Variants in AGMO observed in about 807,000 individuals in gnomAD.
The protein encoded by AGMO is alkylglycerol monooxygenase, also known as glyceryl-ether monooxygenase.
In AGMO, 75 loss-of-function variants were observed where a neutral mutation model predicts 60.2. That is an observed-to-expected ratio of 1.25 (90% confidence interval 1.03 to 1.51). The LOEUF is 1.51. Among genes scored for constraint, AGMO ranks in the 40% most tolerant of loss-of-function variants. The pLI, the probability that AGMO is intolerant of heterozygous loss-of-function variation, is 0.00. For synonymous variants in AGMO, 261 were observed against 177.1 expected, an observed-to-expected ratio of 1.47 and a Z score of -3.76; for missense variants, 763 against 525.5, an observed-to-expected ratio of 1.45 and a Z score of -4.42.
intron 12 of AGMO, among the ~76,000 whole-genome samples, chr7:15,357,190 C>CGTGTGT (rs36124819): frequency 0.14 from 19,757 of 144,304 alleles, 1,337 homozygotes; most frequent in African/African-American, 0.17. Flanking sequence ...TATGAATATT[C>CGTGTGT]GTGTGTGTGT....
chr7:15,286,742 T>C (rs1784111086), intron 12 of AGMO, among the ~76,000 whole-genome samples: 1 of 151,988 alleles, frequency 6.6e-6, no homozygotes, highest in Non-Finnish European at 1.5e-5. Flanking sequence ...CAAAGGAAAA[T>C]AAGATATTAT....
At chr7:15,167,739 A>T in the AGMO span, among the ~76,000 whole-genome samples, 3 of 152,332 alleles carry the variant, frequency 2.0e-5, no homozygotes, top group Non-Finnish European at 2.9e-5. Flanking sequence ...GTGCTTTGGC[A>T]TCATCAACCT....
Position 15,344,423 on chromosome 7 carries a change from G to C in AGMO, c.1263+21091C>G, listed in dbSNP as rs115058921. Among the ~76,000 whole-genome samples, 503 of 152,236 alleles carry C rather than the reference G, an allele frequency of 3.3e-3. 2 individuals carry two copies. Among genetic ancestry groups the C allele is most frequent in the African/African-American group, 0.011 (462 of 41,530 alleles). Reference sequence around the variant, plus strand: ...AACTTAAAATCTGGATGCTAGGCCAGGTATTGTAGCTCACTCCTGTAATGC... The same window carrying C: ...AACTTAAAATCTGGATGCTAGGCCACGTATTGTAGCTCACTCCTGTAATGC... On this transcript the variant is annotated intron_variant, in intron 12 of 12. Transcript: ENST00000342526.
intron 12 of AGMO, among the ~76,000 whole-genome samples, chr7:15,227,521 AAG>A (rs1782124611): frequency 6.6e-6 from 1 of 151,912 alleles, no homozygotes; most frequent in South Asian, 2.1e-4. Flanking sequence ...AAAAAAAAAA[AAG>A]AAGCAACTTA....
intron 2 of AGMO, among the ~76,000 whole-genome samples, chr7:15,559,299 C>T (rs1194067616): frequency 2.6e-5 from 4 of 151,994 alleles, no homozygotes; most frequent in African/African-American, 9.7e-5. Flanking sequence ...GCAGGAAGGG[C>T]TGAGAGAAAA....
intron 6 of AGMO, among the ~76,000 whole-genome samples, chr7:15,392,144 A>G (rs1784168273): frequency 6.6e-6 from 1 of 151,508 alleles, no homozygotes; most frequent in South Asian, 2.1e-4. Context: ...ATCTCGGCTC[A>G]CTGCAAGCTC....
In AGMO at chr7:15,545,160, T is replaced by C. The variant is rs530778001; in HGVS notation, c.258-237A>G. Among the ~76,000 whole-genome samples the C allele has an allele frequency of 6.6e-5, 10 of 152,264 alleles. No homozygotes were observed. In the East Asian group the frequency reaches 1.7e-3, roughly 26 times the overall value. ...TCATGGATGCCAGCTGTTTGTGCTC[T>C]CAATTTCATGAAATTTAAAAGGCCA... On this transcript the variant is annotated intron_variant, in intron 2 of 12. Transcript: ENST00000342526.
At chr7:15,397,067 C>T (rs574583006) in intron 5 of AGMO, among the ~76,000 whole-genome samples, 3 of 152,220 alleles carry the variant, frequency 2.0e-5, no homozygotes, top group Non-Finnish European at 4.4e-5. Context: ...CCCAGAAGCC[C>T]AGTTGGCTTC....
rs760569161 is a variant in AGMO at position 15,387,433 on chromosome 7, T to G, written c.930A>C (p.Arg310Ser). ...CTGGAATTTCTTCACTGAGACCAAG[T>G]CTTGGTTTACCTGGACCCCATCCCG... ...KGPGWGPGKP[R>S]LGLSEEIPEV... is the part of the protein sequence containing the mutation. The change falls in exon 9 of 13, where the codon AGA becomes AGC. Residue 310 changes from arginine (R) to serine (S), a missense_variant. Coordinates refer to ENST00000342526, the MANE Select transcript of AGMO (RefSeq NM_001004320.2). The G allele has an allele frequency of 1.9e-6, 3 of 1,613,712 alleles. No individual in the cohort carries two copies. Among genetic ancestry groups the G allele is most frequent in the Non-Finnish European group, 2.5e-6 (3 of 1,179,934 alleles).
At chr7:15,374,354 G>A (rs1167191853) in intron 10 of AGMO, among the ~76,000 whole-genome samples, 1 of 151,858 alleles carries the variant, frequency 6.6e-6, no homozygotes, top group Non-Finnish European at 1.5e-5. Context: ...ATATATCAAA[G>A]GTGAAAATAT....
chr7:15,482,787 C>A (rs1782795257), intron 3 of AGMO, among the ~76,000 whole-genome samples: 1 of 152,068 alleles, frequency 6.6e-6, no homozygotes, highest in Non-Finnish European at 1.5e-5. Context: ...ATGGCATGGG[C>A]AATCTGAGTG....
chr7:15,387,295 G>A (rs1783955202), intron 9 of AGMO, 111 bp downstream of exon 9: 1 of 1,267,274 alleles, frequency 7.9e-7, no homozygotes, highest in Non-Finnish European at 1.1e-6. Context: ...CATCTGACTG[G>A]GGGAACATCT....
intron 12 of AGMO, among the ~76,000 whole-genome samples, chr7:15,351,776 A>G (rs1399854639): frequency 2.0e-5 from 3 of 152,242 alleles, no homozygotes; most frequent in Admixed American, 6.5e-5. Context: ...ATAACAAAGT[A>G]TACGGCTAGA....
rs137902649 is a variant in AGMO, at chr7:15,354,484, A to G, written c.1263+11030T>C. 9.5e-3 allele frequency among the ~76,000 whole-genome samples: 218 copies of G among 22,842 alleles called. 1 individual carries two copies. The highest frequency in any genetic ancestry group is 0.016 in the South Asian group (6 of 386). The allele number at this position is 22,842 out of a possible 152,430, so 15.0% of individuals were successfully genotyped here. A position where few individuals can be genotyped will look rare whatever the true frequency, so the allele number is the denominator to read the frequency against. On this transcript the variant is annotated intron_variant, in intron 12 of 12. Coordinates refer to ENST00000342526, the MANE Select transcript of AGMO (RefSeq NM_001004320.2). Reference sequence around the variant, plus strand: ...CACGTGTGTGTATACACACGTGTGTATATACACACGTGTATATATATATAT... The same window carrying G: ...CACGTGTGTGTATACACACGTGTGTGTATACACACGTGTATATATATATAT...
At chr7:15,298,094 A>G (rs183483306) in intron 12 of AGMO, among the ~76,000 whole-genome samples, 5 of 150,678 alleles carry the variant, frequency 3.3e-5, no homozygotes, top group Non-Finnish European at 3.0e-5. Flanking sequence ...ATAAACAAAC[A>G]TATTATGTTA....
intron 12 of AGMO, among the ~76,000 whole-genome samples, chr7:15,342,544 C>CA (rs1290227300): frequency 6.6e-6 from 1 of 151,960 alleles, no homozygotes; most frequent in East Asian, 1.9e-4. Context: ...GCTTTATATT[C>CA]AACCTCATCA....
chr7:15,350,098 C>A (rs778134486), intron 12 of AGMO, among the ~76,000 whole-genome samples: 6 of 152,142 alleles, frequency 3.9e-5, no homozygotes, highest in Non-Finnish European at 5.9e-5. Context: ...GCTTTCCTCA[C>A]AATGTTAATT....
At chr7:15,217,961 T>C (rs566950604) in intron 12 of AGMO, among the ~76,000 whole-genome samples, 4 of 152,070 alleles carry the variant, frequency 2.6e-5, no homozygotes, top group Non-Finnish European at 5.9e-5. Context: ...AAACTGTGTG[T>C]CCTGGGGGTT....
At chr7:15,395,437 C>CA (rs1176144003) in intron 5 of AGMO, among the ~76,000 whole-genome samples, 1 of 151,256 alleles carries the variant, frequency 6.6e-6, no homozygotes, top group Non-Finnish European at 1.5e-5. Flanking sequence ...ATTTTATAGG[C>CA]AAAAAACAAA....
Sources: gnomAD v4.1 joint callset for allele counts (sites outside exome capture counted in the v4.1 genomes callset) on GRCh38, gnomAD v4.1.1 for gene constraint, MANE v1.5 for transcripts, NCBI Gene and HGNC (gene_info 2026-07-23, HGNC 2026-07-21) for gene names.